The following PPIG variants were observed in gnomAD, a reference collection of about 807,000 sequenced individuals.
PPIG encodes the protein peptidylprolyl isomerase G.
Under a neutral mutation model 87.9 loss-of-function variants are expected in PPIG, and 26 were observed. That is an observed-to-expected ratio of 0.30 (90% CI 0.22 to 0.41). The LOEUF is 0.41. PPIG is among the 10% of genes least tolerant of loss of function. The pLI, the probability that PPIG is intolerant of heterozygous loss-of-function variation, is 1.00. For synonymous variants in PPIG, 308 were observed against 276.5 expected, an observed-to-expected ratio of 1.11 and a Z score of -1.13; for missense variants, 722 against 879.4, an observed-to-expected ratio of 0.82 and a Z score of 2.26.
chr2:169,633,543 A>G (rs952168501), intron 12 of PPIG: 9 of 463,412 alleles, frequency 1.9e-5, no homozygotes, highest in African/African-American at 1.6e-4. Flanking sequence ...TTAAAAATAA[A>G]TAAAAATTAA....
At chr2:169,629,596 C>T (rs1293387978) in intron 9 of PPIG, among the ~76,000 whole-genome samples, 1 of 152,124 alleles carries the variant, frequency 6.6e-6, no homozygotes, top group African/African-American at 2.4e-5. Context: ...ATTGAACATA[C>T]TGGATTTTAC....
chr2:169,620,001 T>A (rs889955998), intron 9 of PPIG, among the ~76,000 whole-genome samples: 23 of 152,204 alleles, frequency 1.5e-4, no homozygotes, highest in African/African-American at 5.1e-4. Context: ...ATGTATGGTT[T>A]GCAAATATTT....
chr2:169,604,411 C>G, intron 4 of PPIG, 150 bp downstream of exon 4: 1 of 662,210 alleles, frequency 1.5e-6, no homozygotes, highest in Non-Finnish European at 2.5e-6. Flanking sequence ...GCTCATCAAT[C>G]CTTACACATA....
intron 2 of PPIG, 55 bp downstream of exon 2, chr2:169,603,749 G>T: frequency 2.9e-6 from 1 of 340,174 alleles, no homozygotes; most frequent in Non-Finnish European, 5.4e-6. Context: ...TTTTCTGTTT[G>T]AGCTATTAAT....
intron 9 of PPIG, among the ~76,000 whole-genome samples, chr2:169,627,703 G>GTTTTTTTT (rs79209628): frequency 1.5e-5 from 1 of 65,946 alleles, no homozygotes; most frequent in African/African-American, 1.1e-4. Flanking sequence ...CAGTGGGCTT[G>GTTTTTTTT]CTTTTTTTTT....
chr2:169,639,902 T>C lies in PPIG; in HGVS notation c.*2379T>C, dbSNP rs1462010446. ...TCCCATCAAGTTGGTTTTATAGTTA[T>C]GTCTAAATTTATGGTTCATGTCAAA... On this transcript the variant is annotated 3_prime_UTR_variant, in exon 14 of 14. Coordinates refer to ENST00000260970, the MANE Select transcript of PPIG (RefSeq NM_004792.3). The C allele has an allele frequency of 6.6e-6, 1 of 152,164 alleles. No homozygotes were observed. The allele number at this position is 152,164 out of a possible 1,614,324, so 9.4% of individuals were successfully genotyped here.
chr2:169,641,315 T>C lies in PPIG; in HGVS notation c.*3792T>C, dbSNP rs1686305716. On this transcript the variant is annotated 3_prime_UTR_variant, in exon 14 of 14. Transcript: ENST00000260970. Reference sequence around the variant, plus strand: ...CATTAGTCTAGTAATTGTTGAACTTTTCTGCAAACTGCATTTTACAAAATT... The same window carrying C: ...CATTAGTCTAGTAATTGTTGAACTTCTCTGCAAACTGCATTTTACAAAATT... The C allele has an allele frequency of 6.6e-6, 1 of 152,198 alleles. No individual in the cohort carries two copies. Among genetic ancestry groups the C allele is most frequent in the Non-Finnish European group, 1.5e-5 (1 of 68,024 alleles). The allele number at this position is 152,198 out of a possible 1,614,324, so 9.4% of individuals were successfully genotyped here. A position where few individuals can be genotyped will look rare whatever the true frequency, so the allele number is the denominator to read the frequency against.
chr2:169,609,881 A>T (rs1317665099), intron 7 of PPIG, among the ~76,000 whole-genome samples: 1 of 152,224 alleles, frequency 6.6e-6, no homozygotes, highest in African/African-American at 2.4e-5. Context: ...ATTTCTCCGT[A>T]AATTACTTAA....
At chr2:169,611,740 A>G (rs953683701) in intron 7 of PPIG, among the ~76,000 whole-genome samples, 11 of 152,198 alleles carry the variant, frequency 7.2e-5, no homozygotes, top group Non-Finnish European at 1.5e-4. Flanking sequence ...CTCCTATGTT[A>G]AGTTCATATA....
chr2:169,590,291 ATTG>A (rs1313635598), intron 1 of PPIG, among the ~76,000 whole-genome samples: 1 of 152,140 alleles, frequency 6.6e-6, no homozygotes, highest in East Asian at 1.9e-4. Context: ...AAGGTTTCGA[ATTG>A]TTGGAGTTTA....
chr2:169,609,294 G>C (rs774318083), intron 7 of PPIG, among the ~76,000 whole-genome samples: 2 of 151,788 alleles, frequency 1.3e-5, no homozygotes, highest in Non-Finnish European at 2.9e-5. Flanking sequence ...CCACAGCCTC[G>C]ACCTCCCTGG....
intron 1 of PPIG, among the ~76,000 whole-genome samples, chr2:169,600,468 C>T (rs1215994360): frequency 1.3e-5 from 2 of 152,146 alleles, no homozygotes; most frequent in Non-Finnish European, 2.9e-5. Flanking sequence ...CTGACTTTTT[C>T]AGATTTTGGA....
At position 169,609,637 on chromosome 2, in the gene PPIG, A is replaced by G. The variant is rs545931496; in HGVS notation, c.377+879A>G. ...AAATAAGTAACAGTAATATCAGTTT[A>G]TGGTCAAATAGGAACCAGCAGTCTA... is the stretch of plus-strand genomic sequence containing the variant. On this transcript the variant is annotated intron_variant, in intron 7 of 13. Coordinates refer to ENST00000260970, the MANE Select transcript of PPIG (RefSeq NM_004792.3). Among the ~76,000 whole-genome samples the G allele has an allele frequency of 7.2e-5, 11 of 152,304 alleles. No individual in the cohort carries two copies. In the South Asian group the frequency reaches 2.3e-3, roughly 32 times the overall value.
In PPIG at chr2:169,597,791, GC is replaced by G. The variant is rs1685060549; in HGVS notation, c.-69-5848del. On this transcript the variant is annotated intron_variant, in intron 1 of 13. Transcript: ENST00000260970. ...TGGGATTACAAGCATGAGCCACCAC[GC>G]CCAGCTCTCTCTTCTTTTAAAAATA... is the stretch of plus-strand genomic sequence containing the variant. Among the ~76,000 whole-genome samples, 3 of 151,942 alleles carry G rather than the reference GC, an allele frequency of 2.0e-5. No individual in the cohort carries two copies. The South Asian group carries it at 6.2e-4, about 32-fold the overall frequency.
At chr2:169,597,622 C>T (rs542555807) in intron 1 of PPIG, among the ~76,000 whole-genome samples, 20 of 151,934 alleles carry the variant, frequency 1.3e-4, no homozygotes, top group Admixed American at 1.0e-3. Context: ...CTCAACCTCC[C>T]GAGTAGCTGG....
chr2:169,613,392 T>C (rs914903637), intron 7 of PPIG, among the ~76,000 whole-genome samples: 1 of 152,008 alleles, frequency 6.6e-6, no homozygotes, highest in Non-Finnish European at 1.5e-5. Flanking sequence ...TGCTCCTTTT[T>C]TCGAATTTCT....
chr2:169,585,695 A>G (rs1249175052), intron 1 of PPIG, among the ~76,000 whole-genome samples: 1 of 152,200 alleles, frequency 6.6e-6, no homozygotes, highest in Non-Finnish European at 1.5e-5. Flanking sequence ...TCTGTGTGTA[A>G]CCAACATTTT....
chr2:169,586,686 A>G (rs573549168), intron 1 of PPIG, among the ~76,000 whole-genome samples: 2 of 152,334 alleles, frequency 1.3e-5, no homozygotes, highest in African/African-American at 4.8e-5. Flanking sequence ...CATTCATAAT[A>G]AAGTACTTCT....
chr2:169,594,147 CAT>C (rs1380016717), intron 1 of PPIG, among the ~76,000 whole-genome samples: 1 of 152,044 alleles, frequency 6.6e-6, no homozygotes, highest in Non-Finnish European at 1.5e-5. Flanking sequence ...AGTAGTTCCT[CAT>C]AATAGATTTC....
Sources: allele counts gnomAD v4.1 joint callset (sites outside exome capture counted in the v4.1 genomes callset), GRCh38; gene constraint gnomAD v4.1.1; transcripts MANE v1.5; gene names NCBI Gene and HGNC (gene_info 2026-07-23, HGNC 2026-07-21).